WNK2: variants seen among roughly 807,000 people sequenced by gnomAD.
WNK2 encodes WNK lysine deficient protein kinase 2.
WNK2 carries 67 observed loss-of-function variants against 192.1 expected under a neutral mutation model. That is an observed-to-expected ratio of 0.35 (90% CI 0.29 to 0.43). WNK2 has a LOEUF of 0.43. Ranked by LOEUF, WNK2 falls within the 20% of genes least tolerant of loss-of-function variation. WNK2 has a pLI of 1.00. For missense variants in WNK2, 2,698 were observed against 3,089.7 expected (o/e 0.87, Z 3.01); for synonymous variants, 1,439 against 1,393.9 (o/e 1.03, Z -0.72).
chr9:93,237,463 T>C (rs1378501169), intron 5 of WNK2, among the ~76,000 whole-genome samples: 1 of 152,230 alleles, frequency 6.6e-6, no homozygotes, highest in Admixed American at 6.5e-5. Context: ...AAGTGTTCGA[T>C]TCAGATGGGC....
intron 2 of WNK2, among the ~76,000 whole-genome samples, chr9:93,204,297 G>T (rs963199424): frequency 6.6e-6 from 1 of 152,302 alleles, no homozygotes; most frequent in Middle Eastern, 3.4e-3. Flanking sequence ...TGCTGGGGAG[G>T]CAGACGAGGG....
rs1314110276 is a variant in WNK2, at chr9:93,247,519, C to A, written c.1543-24C>A. The A allele has an allele frequency of 6.9e-6, 11 of 1,603,490 alleles. No homozygotes were observed. The highest frequency in any genetic ancestry group is 9.4e-6 in the Non-Finnish European group (11 of 1,175,220). ...CGGTGAGGGCTGATCCCCAGCGATG[C>A]TGACAACATGACTGCCTTTACAGAT... On this transcript the variant is annotated intron_variant, in intron 7 of 29. Coordinates refer to ENST00000427277, the MANE Select transcript of WNK2 (RefSeq NM_006648.4). This position sits in a 1 kb window ranked among gnomAD's most constrained non-coding sequence, Gnocchi z 5.2.
intron 29 of WNK2, chr9:93,318,540 C>T: frequency 1.9e-6 from 3 of 1,614,096 alleles, no homozygotes; most frequent in Non-Finnish European, 2.5e-6. Context: ...CCCCCCATGC[C>T]AGTGGGCTGC....
At chr9:93,283,363 G>A (rs1386736696) in intron 19 of WNK2, among the ~76,000 whole-genome samples, 1 of 152,130 alleles carries the variant, frequency 6.6e-6, no homozygotes, top group Non-Finnish European at 1.5e-5. Flanking sequence ...GCTTAGCAAC[G>A]GTTCTTTGAA....
At chr9:93,219,237 C>T (rs1836350123) in intron 2 of WNK2, among the ~76,000 whole-genome samples, 1 of 152,260 alleles carries the variant, frequency 6.6e-6, no homozygotes, top group Non-Finnish European at 1.5e-5. Flanking sequence ...TGTGAATGGT[C>T]TGTATCTACC....
At chr9:93,319,304 G>T in intron 29 of WNK2, 1 of 1,452,170 alleles carries the variant, frequency 6.9e-7, no homozygotes, top group South Asian at 1.4e-5. Flanking sequence ...CCAGTTCTGG[G>T]CTCAGCTGCA....
chr9:93,222,500 A>G (rs1171682008), intron 2 of WNK2, among the ~76,000 whole-genome samples: 2 of 152,042 alleles, frequency 1.3e-5, no homozygotes, highest in Non-Finnish European at 2.9e-5. Context: ...CTCACCCCCA[A>G]CTGAGCACCT....
intron 29 of WNK2, among the ~76,000 whole-genome samples, chr9:93,319,781 C>T (rs1855271205): frequency 1.3e-5 from 2 of 152,214 alleles, no homozygotes; most frequent in South Asian, 4.1e-4. Context: ...GCACAGGGGC[C>T]TTAGGGAAGG....
chr9:93,186,848 G>T (rs372658230), intron 2 of WNK2, among the ~76,000 whole-genome samples: 1 of 152,146 alleles, frequency 6.6e-6, no homozygotes, highest in African/African-American at 2.4e-5. Context: ...TTCAAGTTAG[G>T]GGTCAGTGGC....
At chr9:93,270,264 A>G (rs569908326) in intron 19 of WNK2, among the ~76,000 whole-genome samples, 30 of 152,376 alleles carry the variant, frequency 2.0e-4, no homozygotes, top group South Asian at 1.0e-3. Flanking sequence ...GGGTTCAGGC[A>G]TGTGCACGGA....
At chr9:93,195,753 A>T (rs1305105807) in intron 2 of WNK2, among the ~76,000 whole-genome samples, 1 of 151,702 alleles carries the variant, frequency 6.6e-6, no homozygotes, top group Non-Finnish European at 1.5e-5. Flanking sequence ...TATCAACCAT[A>T]ATCCAACCAG....
At chr9:93,210,882 G>C (rs955403963) in intron 2 of WNK2, among the ~76,000 whole-genome samples, 4 of 152,154 alleles carry the variant, frequency 2.6e-5, no homozygotes, top group Admixed American at 2.0e-4. Flanking sequence ...GGGCCGCTAT[G>C]GGAGCCCCAG....
Position 93,304,705 on chromosome 9 carries a change from G to A in WNK2, c.6215-2072G>A, listed in dbSNP as rs192713574. ...GGCAAGTGAGGGGCAGGGCCCAATC[G>A]AGGCCGAGGCTCTGGAGAGGTGGAC... On this transcript the variant is annotated intron_variant, in intron 26 of 29. Coordinates refer to ENST00000427277, the MANE Select transcript of WNK2 (RefSeq NM_006648.4). Among the ~76,000 whole-genome samples, 694 of 152,374 alleles carry A rather than the reference G, an allele frequency of 4.6e-3. 8 individuals are homozygous for A. The highest frequency in any genetic ancestry group is 0.016 in the African/African-American group (646 of 41,588).
At chr9:93,210,737 T>C (rs1834348784) in intron 2 of WNK2, among the ~76,000 whole-genome samples, 1 of 152,146 alleles carries the variant, frequency 6.6e-6, no homozygotes. Context: ...AGGGCTGGTT[T>C]CTCCCGCTTC....
rs540955135 is a variant in WNK2, at chr9:93,227,270, C to T, written c.682-2426C>T. On this transcript the variant is annotated intron_variant, in intron 2 of 29. Coordinates refer to ENST00000427277, the MANE Select transcript of WNK2 (RefSeq NM_006648.4). ...CTGGGACTACAGGCGCCCGCCACCA[C>T]GCCCAGCTAATTTTTTGTATTTTTA... Among the ~76,000 whole-genome samples the T allele has an allele frequency of 5.4e-3, 823 of 152,140 alleles. 7 individuals are homozygous for T. The highest frequency in any genetic ancestry group is 0.019 in the African/African-American group (770 of 41,490).
chr9:93,316,590 G>C (rs775484019), intron 28 of WNK2: 3 of 152,006 alleles, frequency 2.0e-5, no homozygotes, highest in Non-Finnish European at 4.4e-5. Flanking sequence ...GTTGACTTTC[G>C]TACCCCATAT....
chr9:93,265,816 C>G (rs1056137408), intron 16 of WNK2, among the ~76,000 whole-genome samples: 2 of 152,226 alleles, frequency 1.3e-5, no homozygotes, highest in Non-Finnish European at 2.9e-5. Context: ...TCCACTGGCC[C>G]CCTGGTTTTC....
At position 93,259,322 on chromosome 9, in the gene WNK2, C is replaced by T. The variant is rs749776402; in HGVS notation, c.2774C>T (p.Pro925Leu). Residue 925 changes from proline to leucine, a missense_variant, in exon 12 of 30, where the codon CCT becomes CTT. Physicochemically the swap from Pro to Leu is moderately conservative, Grantham distance 98 (BLOSUM62 -3). Coordinates refer to ENST00000427277, the MANE Select transcript of WNK2 (RefSeq NM_006648.4). The surrounding 1 kb of genome is among the most constrained non-coding windows in gnomAD (Gnocchi z 4.8). Reference protein sequence around the residue: ...AFPQMAPTDVPPSPHHTVQNM... With the variant: ...AFPQMAPTDVLPSPHHTVQNM... ...CCACAGATGGCGCCTACTGACGTCC[C>T]TCCTTCCCCCCATCACACGGTGCAG... is the stretch of plus-strand genomic sequence containing the variant. 1 of 1,613,602 alleles carries T rather than the reference C, an allele frequency of 6.2e-7. No individual in the cohort carries two copies. Among genetic ancestry groups the T allele is most frequent in the East Asian group, 2.2e-5 (1 of 44,852 alleles).
intron 2 of WNK2, among the ~76,000 whole-genome samples, chr9:93,206,467 A>C (rs1487611822): frequency 6.6e-6 from 1 of 152,096 alleles, no homozygotes; most frequent in Non-Finnish European, 1.5e-5. Flanking sequence ...CCTGAGAAGC[A>C]CGTGGCTTGC....
Sources: allele counts gnomAD v4.1 joint callset (sites outside exome capture counted in the v4.1 genomes callset), GRCh38; gene constraint gnomAD v4.1.1; non-coding constraint Gnocchi (gnomAD v3.1); transcripts MANE v1.5; gene names NCBI Gene and HGNC (gene_info 2026-07-23, HGNC 2026-07-21).